The following KCNH5 variants were observed in gnomAD, a reference collection of about 807,000 sequenced individuals.
KCNH5 encodes voltage-gated delayed rectifier potassium channel KCNH5.
In KCNH5, 46 loss-of-function variants were observed where a neutral mutation model predicts 96.1. The observed-to-expected ratio is 0.48, with a 90% CI of 0.38 to 0.61. The LOEUF (loss-of-function observed/expected upper bound fraction) is 0.61, where lower values mean the gene tolerates loss of function less well. Among genes scored for constraint, KCNH5 ranks in the 20% least tolerant of loss-of-function variants. The pLI is 0.00. For synonymous variants in KCNH5, 439 were observed against 449.8 expected (o/e 0.98, Z 0.30); for missense variants, 907 against 1,225.8 (o/e 0.74, Z 3.88).
At chr14:62,822,657 C>A (rs1416938046) in intron 8 of KCNH5, among the ~76,000 whole-genome samples, 1 of 142,332 alleles carries the variant, frequency 7.0e-6, no homozygotes, top group Admixed American at 7.1e-5. Flanking sequence ...CTTAAGTGTA[C>A]TACGTAAAAT....
At chr14:62,743,184 A>C (rs1885306882) in intron 10 of KCNH5, among the ~76,000 whole-genome samples, 1 of 152,226 alleles carries the variant, frequency 6.6e-6, no homozygotes, top group African/African-American at 2.4e-5. Flanking sequence ...TTTTCCGCTA[A>C]GACTCTAGTT....
chr14:62,964,608 T>C (rs993702477), intron 6 of KCNH5, among the ~76,000 whole-genome samples: 16 of 152,100 alleles, frequency 1.1e-4, no homozygotes, highest in African/African-American at 3.9e-4. Flanking sequence ...ACTTCCCTTT[T>C]CTTAGAACAT....
At position 62,814,782 on chromosome 14, in the gene KCNH5, C is replaced by CAAAAAAAAAAAAAAAAAA. The variant is rs71120235; in HGVS notation, c.1570-12219_1570-12202dup. On this transcript the variant is annotated intron_variant, in intron 8 of 10. Coordinates refer to ENST00000322893, the MANE Select transcript of KCNH5 (RefSeq NM_139318.5). ...TGGGCGACAAAGCGAGACTCCATCT[C>CAAAAAAAAAAAAAAAAAA]AAAAAAAAAAAAAAAAAAAAAAAAA... 1.5e-4 allele frequency among the ~76,000 whole-genome samples: 5 copies of CAAAAAAAAAAAAAAAAAA among 33,756 alleles called. 1 individual carries two copies. Among genetic ancestry groups the CAAAAAAAAAAAAAAAAAA allele is most frequent in the African/African-American group, 6.1e-4 (4 of 6,576 alleles). 22.1% of individuals were successfully genotyped at this position (33,756 alleles called of 152,430 possible). A position where few individuals can be genotyped will look rare whatever the true frequency, so the allele number is the denominator to read the frequency against.
chr14:62,886,314 A>G (rs1888596352), intron 7 of KCNH5, among the ~76,000 whole-genome samples: 1 of 152,256 alleles, frequency 6.6e-6, no homozygotes. Context: ...AATACTGTGT[A>G]GCACGTGAAA....
Position 62,701,583 on chromosome 14 carries a change from T to C in KCNH5, c.*5925A>G, listed in dbSNP as rs761027371. 6.6e-6 allele frequency: 1 copy of C among 152,128 alleles called. No homozygotes were observed. Among genetic ancestry groups the C allele is most frequent in the Non-Finnish European group, 1.5e-5 (1 of 67,996 alleles). The allele number at this position is 152,128 out of a possible 1,614,324, so 9.4% of individuals were successfully genotyped here. A position where few individuals can be genotyped will look rare whatever the true frequency, so the allele number is the denominator to read the frequency against. The stretch of plus-strand genomic sequence containing the variant: ...GTGTCAGTGGGGTCCTTCACAGTCA[T>C]TATTTTAAAAGTAGGATTCTTCCTT... On this transcript the variant is annotated 3_prime_UTR_variant, in exon 11 of 11. Transcript: ENST00000322893.
chr14:62,875,442 T>C (rs987330682), intron 7 of KCNH5, among the ~76,000 whole-genome samples: 2 of 152,124 alleles, frequency 1.3e-5, no homozygotes, highest in Non-Finnish European at 2.9e-5. Context: ...CTTCAAACTA[T>C]ACTACTAGGC....
chr14:62,835,551 ATCATAGCC>A (rs2140031886), intron 8 of KCNH5, among the ~76,000 whole-genome samples: 1 of 152,206 alleles, frequency 6.6e-6, no homozygotes, highest in Non-Finnish European at 1.5e-5. Context: ...AATATGTAAT[ATCATAGCC>A]TTTTAAAAAG....
At chr14:62,837,909 T>C (rs574849608) in intron 8 of KCNH5, among the ~76,000 whole-genome samples, 14 of 152,318 alleles carry the variant, frequency 9.2e-5, no homozygotes, top group South Asian at 4.1e-4. Flanking sequence ...GGGATCTTAA[T>C]TGAAACAGGT....
At position 62,849,859 on chromosome 14, in the gene KCNH5, G is replaced by A; in HGVS notation, c.1370-7C>T. The stretch of plus-strand genomic sequence containing the variant: ...ATAGTTGCATAAAGAAGAGCTGAAA[G>A]AGAAGAAATGATAAAAATAAAACAA... On this transcript the variant is annotated splice_polypyrimidine_tract_variant and splice_region_variant and intron_variant, in intron 7 of 10. Coordinates refer to ENST00000322893, the MANE Select transcript of KCNH5 (RefSeq NM_139318.5). The A allele has an allele frequency of 6.3e-7, 1 of 1,596,906 alleles. No homozygotes were observed. The highest frequency in any genetic ancestry group is 8.6e-7 in the Non-Finnish European group (1 of 1,165,314).
chr14:62,974,183 T>C (rs939693075), intron 6 of KCNH5, among the ~76,000 whole-genome samples: 1 of 152,224 alleles, frequency 6.6e-6, no homozygotes, highest in South Asian at 2.1e-4. Context: ...ATGAGTTATC[T>C]TTTCCCAATT....
At position 63,001,428 on chromosome 14, in the gene KCNH5, T is replaced by C. The variant is rs1245894027; in HGVS notation, c.336A>G (p.Ala112=). ...CCTTTTCATGTTCATTTCTTATTGGTGCAATTTGCATATAAAACCAAACAG... is the reference window on the plus strand; with the variant it reads ...CCTTTTCATGTTCATTTCTTATTGGCGCAATTTGCATATAAAACCAAACAG... ...RTPVWFYMQI[A]PIRNEHEKVV... The change falls in exon 4 of 11, where the codon GCA becomes GCG. Residue 112 remains alanine (A), a synonymous_variant. Coordinates refer to ENST00000322893, the MANE Select transcript of KCNH5 (RefSeq NM_139318.5). The C allele has an allele frequency of 6.2e-7, 1 of 1,612,044 alleles. No homozygotes were observed. The highest frequency in any genetic ancestry group is 8.5e-7 in the Non-Finnish European group (1 of 1,179,170).
At chr14:63,043,594 A>G (rs904978764) in intron 1 of KCNH5, among the ~76,000 whole-genome samples, 16 of 152,194 alleles carry the variant, frequency 1.1e-4, no homozygotes, top group African/African-American at 3.6e-4. Context: ...GCCAGACCCT[A>G]TTCGCTATTT....
intron 7 of KCNH5, chr14:62,949,927 G>GT: frequency 2.0e-6 from 1 of 501,030 alleles, no homozygotes; most frequent in Non-Finnish European, 3.6e-6. Context: ...ACATTAATAT[G>GT]TTTTTCACAC....
intron 7 of KCNH5, among the ~76,000 whole-genome samples, chr14:62,898,563 A>G (rs1888860941): frequency 6.6e-6 from 1 of 152,166 alleles, no homozygotes; most frequent in South Asian, 2.1e-4. Context: ...TTAAAACAAA[A>G]ATTGTCAAAG....
chr14:62,708,229 C>G lies in KCNH5; in HGVS notation c.2246G>C (p.Gly749Ala). 2 of 1,614,202 alleles carry G rather than the reference C, an allele frequency of 1.2e-6. No homozygotes were observed. The highest frequency in any genetic ancestry group is 4.5e-5 in the East Asian group (2 of 44,876). ...CTGTGACACAGTCACCACGCTGGTT[C>G]CGGTGATGGAGGCTCCATTCTGTAA... The part of the protein sequence containing the change: ...RSLQNGASIT[G>A]TSVVTVSQIT... Residue 749 changes from glycine to alanine, a missense_variant, in exon 11 of 11, where the codon GGA (glycine) becomes GCA (alanine). By Grantham distance (60) the Gly-to-Ala change is moderately conservative. Transcript: ENST00000322893.
intron 10 of KCNH5, among the ~76,000 whole-genome samples, chr14:62,716,976 T>C (rs943600404): frequency 6.6e-6 from 1 of 152,126 alleles, no homozygotes; most frequent in African/African-American, 2.4e-5. Flanking sequence ...AATATAAAAA[T>C]CTGTTGTATT....
chr14:62,752,028 A>G (rs1366717119), intron 10 of KCNH5, among the ~76,000 whole-genome samples: 1 of 152,206 alleles, frequency 6.6e-6, no homozygotes, highest in African/African-American at 2.4e-5. Flanking sequence ...ACCTTCTCAT[A>G]GTTAACAGGC....
intron 7 of KCNH5, among the ~76,000 whole-genome samples, chr14:62,939,863 C>T (rs1595692830): frequency 6.6e-6 from 1 of 152,006 alleles, no homozygotes; most frequent in Non-Finnish European, 1.5e-5. Flanking sequence ...TCATTTGAAC[C>T]CAGGAGGCGG....
In KCNH5 at chr14:62,987,742, G is replaced by A. The variant is rs75316510; in HGVS notation, c.434-555C>T. Among the ~76,000 whole-genome samples the A allele has an allele frequency of 6.6e-3, 1,000 of 152,226 alleles. 10 individuals are homozygous for A. The highest frequency in any genetic ancestry group is 0.021 in the African/African-American group (867 of 41,546). On this transcript the variant is annotated intron_variant, in intron 4 of 10. Transcript: ENST00000322893. ...AAAATGCCATATGCCAGCCAGGATC[G>A]TTTGCCTTGGACTGTTACATGAGCA...
Sources: allele counts gnomAD v4.1 joint callset (sites outside exome capture counted in the v4.1 genomes callset), GRCh38; gene constraint gnomAD v4.1.1; transcripts MANE v1.5; gene names NCBI Gene and HGNC (gene_info 2026-07-23, HGNC 2026-07-21).